The following MAP3K7CL variants were observed in gnomAD, a reference collection of about 807,000 sequenced individuals.
The protein encoded by MAP3K7CL is MAP3K7 C-terminal like.
A neutral mutation model predicts 18.6 loss-of-function variants in MAP3K7CL; 16 were observed. The ratio of observed to expected loss-of-function variants is 0.86; its 90% CI spans 0.58 to 1.31. The LOEUF is 1.31. MAP3K7CL is among the 50% of genes most tolerant of loss of function. The pLI, the probability that MAP3K7CL is intolerant of heterozygous loss-of-function variation, is 0.00. For synonymous variants in MAP3K7CL, 65 were observed against 66.8 expected, an observed-to-expected ratio of 0.97 and a Z score of 0.13; for missense variants, 163 against 174.4, an observed-to-expected ratio of 0.93 and a Z score of 0.37.
chr21:29,111,116 CGTG>C (rs1322542414), intron 4 of MAP3K7CL, among the ~76,000 whole-genome samples: 2 of 151,950 alleles, frequency 1.3e-5, no homozygotes, highest in Non-Finnish European at 1.5e-5. Context: ...CTTAGCCAGG[CGTG>C]GTGGTGAGTG....
At chr21:29,085,426 A>G (rs1408291320), upstream of MAP3K7CL, among the ~76,000 whole-genome samples, 1 of 152,068 alleles carries the variant, frequency 6.6e-6, no homozygotes, top group Non-Finnish European at 1.5e-5. Context: ...TGGTCATTGG[A>G]CATAAAAAGT....
chr21:29,130,646 C>T lies in MAP3K7CL; in HGVS notation c.-317C>T. The T allele has an allele frequency of 2.0e-6, 2 of 985,408 alleles. No individual in the cohort carries two copies. The highest frequency in any genetic ancestry group is 2.4e-6 in the Non-Finnish European group (2 of 829,948). 61.0% of individuals were successfully genotyped at this position (985,408 alleles called of 1,614,324 possible). On this transcript the variant is annotated 5_prime_UTR_variant, in exon 1 of 5. Coordinates refer to ENST00000399928, the MANE Select transcript of MAP3K7CL (RefSeq NM_001286620.2). The stretch of plus-strand genomic sequence containing the variant: ...GCTCTTGCTTTTTCTAGAAAGATGA[C>T]AACATCCTGGCTGTTAGAGAGGCAA...
At chr21:29,129,873 T>C (rs2086746911), upstream of MAP3K7CL, among the ~76,000 whole-genome samples, 1 of 152,236 alleles carries the variant, frequency 6.6e-6, no homozygotes, top group Non-Finnish European at 1.5e-5. Context: ...GGTATTTCAT[T>C]GTTGTCTTAG....
chr21:29,140,781 A>G (rs998047470), intron 2 of MAP3K7CL, among the ~76,000 whole-genome samples: 2 of 152,066 alleles, frequency 1.3e-5, no homozygotes, highest in African/African-American at 4.8e-5. Flanking sequence ...TTGTTTGCTC[A>G]TTTATTTCTT....
upstream of MAP3K7CL, among the ~76,000 whole-genome samples, chr21:29,077,118 G>C (rs999077337): frequency 7.2e-5 from 11 of 152,240 alleles, no homozygotes; most frequent in African/African-American, 2.7e-4. Flanking sequence ...AGACTCAGGA[G>C]CCCAGCTGGC....
chr21:29,174,871 G>A lies in MAP3K7CL; in HGVS notation c.408G>A (p.Gln136=). 6.2e-7 allele frequency: 1 copy of A among 1,614,094 alleles called. No homozygotes were observed. The highest frequency in any genetic ancestry group is 8.5e-7 in the Non-Finnish European group (1 of 1,179,986). ...EQLEKLRIQY[Q]KRQGSS is the part of the protein sequence containing the mutation. Reference sequence around the variant, plus strand: ...TGGAGAAACTTCGAATACAGTATCAGAAGAGGCAGGGCTCGTCCTAACTTT... The same window carrying A: ...TGGAGAAACTTCGAATACAGTATCAAAAGAGGCAGGGCTCGTCCTAACTTT... Residue 136 remains glutamine, a synonymous_variant, in exon 5 of 5, where the codon CAG becomes CAA. Transcript: ENST00000399928.
chr21:29,135,664 A>G (rs529099734), intron 2 of MAP3K7CL, among the ~76,000 whole-genome samples: 2 of 152,254 alleles, frequency 1.3e-5, no homozygotes, highest in South Asian at 4.1e-4. Flanking sequence ...CCATTCTTTG[A>G]ACTCTCTTGG....
intron 2 of MAP3K7CL, among the ~76,000 whole-genome samples, chr21:29,134,174 ACTCT>A (rs34368831): frequency 4.0e-5 from 6 of 150,606 alleles, no homozygotes; most frequent in Non-Finnish European, 7.4e-5. Flanking sequence ...TCTTTTGAGG[ACTCT>A]CTCTCTCTCT....
chr21:29,091,564 C>A (rs940553472), exon 2 of MAP3K7CL: 1 of 701,544 alleles, frequency 1.4e-6, no homozygotes, highest in Non-Finnish European at 2.6e-6. Context: ...CAGCCCTGAC[C>A]TCCTGGGCCC....
At chr21:29,114,886 G>T (rs1186573138) in intron 4 of MAP3K7CL, among the ~76,000 whole-genome samples, 2 of 152,210 alleles carry the variant, frequency 1.3e-5, no homozygotes, top group African/African-American at 4.8e-5. Context: ...GAAGGTGGGT[G>T]TGGAAAGACT....
intron 1 of MAP3K7CL, among the ~76,000 whole-genome samples, chr21:29,132,664 C>T (rs2086801847): frequency 6.6e-6 from 1 of 152,078 alleles, no homozygotes; most frequent in Non-Finnish European, 1.5e-5. Flanking sequence ...TGCCTGCTAG[C>T]ATGCCCCACT....
intron 4 of MAP3K7CL, among the ~76,000 whole-genome samples, chr21:29,116,645 C>A (rs1002739613): frequency 2.0e-5 from 3 of 152,152 alleles, no homozygotes; most frequent in Non-Finnish European, 4.4e-5. Flanking sequence ...TGTCTGTATT[C>A]TGATTCATCT....
intron 4 of MAP3K7CL, among the ~76,000 whole-genome samples, chr21:29,163,136 AG>A (rs1289455231): frequency 6.6e-6 from 1 of 152,108 alleles, no homozygotes; most frequent in Non-Finnish European, 1.5e-5. Flanking sequence ...AAATAAAAAA[AG>A]GAAAAGTCAA....
At chr21:29,173,113 C>T (rs1209505092) in intron 4 of MAP3K7CL, among the ~76,000 whole-genome samples, 3 of 152,098 alleles carry the variant, frequency 2.0e-5, no homozygotes, top group Admixed American at 2.0e-4. Context: ...AAAACTGTTT[C>T]CTAGGAACAC....
chr21:29,162,977 A>G (rs1413812988), intron 4 of MAP3K7CL, among the ~76,000 whole-genome samples: 5 of 151,996 alleles, frequency 3.3e-5, no homozygotes, highest in African/African-American at 4.8e-5. Context: ...TGTGGTAGAT[A>G]GCACGTGCCT....
chr21:29,170,811 G>T (rs906753843), intron 4 of MAP3K7CL, among the ~76,000 whole-genome samples: 9 of 151,668 alleles, frequency 5.9e-5, no homozygotes, highest in Non-Finnish European at 1.3e-4. Flanking sequence ...GCTAATTTTT[G>T]TATTTTCGGT....
chr21:29,107,931 G>A lies in MAP3K7CL; in HGVS notation c.370+15350G>A, dbSNP rs543625849. ...ATGTCTTGCTGTTATCTCTCTTTTT[G>A]TATATGAGTAAACTGAAGTTCAGAA... On this transcript the variant is annotated intron_variant, in intron 4 of 6. Transcript: ENST00000286791. Among the ~76,000 whole-genome samples the A allele has an allele frequency of 2.6e-5, 4 of 152,196 alleles. No individual in the cohort carries two copies. The South Asian group carries it at 8.3e-4, about 32-fold the overall frequency.
At chr21:29,130,152 A>C (rs2086752068), upstream of MAP3K7CL, among the ~76,000 whole-genome samples, 1 of 152,230 alleles carries the variant, frequency 6.6e-6, no homozygotes, top group Non-Finnish European at 1.5e-5. Flanking sequence ...CTCAAAAATC[A>C]CAATCCAATT....
chr21:29,165,369 G>C (rs1253696810), intron 4 of MAP3K7CL, among the ~76,000 whole-genome samples: 1 of 152,052 alleles, frequency 6.6e-6, no homozygotes, highest in African/African-American at 2.4e-5. Flanking sequence ...TTGGGGCACA[G>C]GTGGTGCTTG....
Sources: gnomAD v4.1 joint callset for allele counts (sites outside exome capture counted in the v4.1 genomes callset) on GRCh38, gnomAD v4.1.1 for gene constraint, MANE v1.5 for transcripts, NCBI Gene and HGNC (gene_info 2026-07-23, HGNC 2026-07-21) for gene names.